SLC38A1: variants seen among roughly 807,000 people sequenced by gnomAD.
The protein encoded by SLC38A1 is sodium-coupled neutral amino acid symporter 1.
SLC38A1 carries 18 observed loss-of-function variants against 60.3 expected under a neutral mutation model. That is an observed-to-expected ratio of 0.30 (90% confidence interval 0.21 to 0.44). SLC38A1 has a LOEUF of 0.44. Ranked by LOEUF, SLC38A1 falls within the 20% of genes least tolerant of loss-of-function variation. The pLI, the probability that SLC38A1 is intolerant of heterozygous loss-of-function variation, is 1.00. For missense variants in SLC38A1, 448 were observed against 587.2 expected (o/e 0.76, Z 2.45); for synonymous variants, 196 against 212.1 (o/e 0.92, Z 0.66).
chr12:46,267,012 T>G (rs1942372004), intron 1 of SLC38A1, among the ~76,000 whole-genome samples: 1 of 152,194 alleles, frequency 6.6e-6, no homozygotes, highest in Non-Finnish European at 1.5e-5. Flanking sequence ...AGGCCAGCCA[T>G]GCACCGAGCT....
At chr12:46,264,981 A>G (rs937860769) in intron 1 of SLC38A1, among the ~76,000 whole-genome samples, 1 of 152,224 alleles carries the variant, frequency 6.6e-6, no homozygotes, top group Non-Finnish European at 1.5e-5. Flanking sequence ...TCAGAAAAGT[A>G]TTTTTAAAAG....
intron 1 of SLC38A1, among the ~76,000 whole-genome samples, chr12:46,260,681 T>C (rs1942168228): frequency 6.6e-6 from 1 of 152,194 alleles, no homozygotes; most frequent in Non-Finnish European, 1.5e-5. Flanking sequence ...GTTAAAGATA[T>C]AATGCACCTT....
chr12:46,258,321 G>T (rs1043841624), intron 1 of SLC38A1, among the ~76,000 whole-genome samples: 1 of 152,190 alleles, frequency 6.6e-6, no homozygotes. Context: ...TTAAGATGGA[G>T]TTGCTCTGGT....
At chr12:46,200,535 C>T (rs1939609754) in intron 13 of SLC38A1, among the ~76,000 whole-genome samples, 1 of 152,054 alleles carries the variant, frequency 6.6e-6, no homozygotes, top group African/African-American at 2.4e-5. Flanking sequence ...GCAGTAAACG[C>T]CGGTAAACTG....
At chr12:46,209,557 A>T (rs552044714) in intron 5 of SLC38A1, among the ~76,000 whole-genome samples, 23 of 152,298 alleles carry the variant, frequency 1.5e-4, no homozygotes, top group Admixed American at 7.2e-4. Context: ...CTTGCTTAAC[A>T]TTCCCATCTC....
chr12:46,249,151 G>T (rs1241849015), intron 1 of SLC38A1, among the ~76,000 whole-genome samples: 1 of 26,380 alleles, frequency 3.8e-5, no homozygotes, highest in South Asian at 1.1e-3. Context: ...GTGAGACTCC[G>T]CCTCAAAAAA....
chr12:46,211,517 G>A (rs995540995), intron 5 of SLC38A1, among the ~76,000 whole-genome samples: 7 of 152,222 alleles, frequency 4.6e-5, no homozygotes, highest in African/African-American at 1.4e-4. Context: ...TCAGTCAGTA[G>A]CCTCTGCAAC....
Position 46,198,609 on chromosome 12 carries a change from A to G in SLC38A1, c.1122+16T>C, listed in dbSNP as rs769818026. The G allele has an allele frequency of 6.5e-6, 10 of 1,550,328 alleles. No homozygotes were observed. The South Asian group carries it at 1.2e-4, about 18-fold the overall frequency. On this transcript the variant is annotated intron_variant, in intron 14 of 16. Coordinates refer to ENST00000398637, the MANE Select transcript of SLC38A1 (RefSeq NM_030674.4). The stretch of plus-strand genomic sequence containing the variant: ...GACCTCAGCTTTTCTCATATTGCAC[A>G]GAGGCCCTTACTCACCGTGAAAAAT...
chr12:46,247,933 C>G (rs575696087), intron 1 of SLC38A1, among the ~76,000 whole-genome samples: 7 of 152,170 alleles, frequency 4.6e-5, no homozygotes, highest in Non-Finnish European at 1.0e-4. Context: ...TCCAGCGAAA[C>G]TAAGCTTCAT....
chr12:46,230,336 G>A (rs759757833), intron 3 of SLC38A1, among the ~76,000 whole-genome samples: 7 of 152,120 alleles, frequency 4.6e-5, no homozygotes, highest in Non-Finnish European at 8.8e-5. Flanking sequence ...ATTACGGTGG[G>A]AGGCAAGGCA....
At chr12:46,254,662 G>GTCAGGTTTGATTCCT (rs1157090572) in intron 1 of SLC38A1, among the ~76,000 whole-genome samples, 2 of 152,170 alleles carry the variant, frequency 1.3e-5, no homozygotes, top group African/African-American at 2.4e-5. Flanking sequence ...GGCTTTACAA[G>GTCAGGTTTGATTCCT]TCAGGTTTGA....
chr12:46,230,496 A>T (rs888085236), intron 3 of SLC38A1, among the ~76,000 whole-genome samples: 30 of 152,312 alleles, frequency 2.0e-4, no homozygotes, highest in African/African-American at 6.7e-4. Flanking sequence ...ACATCATCTT[A>T]TCAAGTTATT....
intron 1 of SLC38A1, among the ~76,000 whole-genome samples, chr12:46,267,940 C>G (rs996993373): frequency 3.3e-5 from 5 of 152,320 alleles, no homozygotes; most frequent in Admixed American, 2.6e-4. Context: ...CTCCCCGCGC[C>G]CTCCTACTTC....
chr12:46,261,922 C>G (rs1942208854), intron 1 of SLC38A1, among the ~76,000 whole-genome samples: 1 of 152,128 alleles, frequency 6.6e-6, no homozygotes, highest in Non-Finnish European at 1.5e-5. Flanking sequence ...GTGCTGCAGG[C>G]ATCTAGTTGA....
intron 16 of SLC38A1, among the ~76,000 whole-genome samples, chr12:46,189,431 G>C (rs940615574): frequency 2.6e-5 from 4 of 152,064 alleles, no homozygotes; most frequent in African/African-American, 9.7e-5. Context: ...AAAATATCCA[G>C]GTCATTTTGT....
At chr12:46,250,933 A>G (rs1461823984) in intron 1 of SLC38A1, among the ~76,000 whole-genome samples, 1 of 152,242 alleles carries the variant, frequency 6.6e-6, no homozygotes, top group Non-Finnish European at 1.5e-5. Context: ...TAATGTATAG[A>G]TTCAATGCCA....
In SLC38A1 at chr12:46,183,877, T is replaced by C. The variant is rs1313825064; in HGVS notation, c.*5093A>G. ...TTACCTGGGAGAGAATGTAAATTTT[T>C]CTAATTCCCAAACAAAACCACTAAT... On this transcript the variant is annotated 3_prime_UTR_variant, in exon 17 of 17. Transcript: ENST00000398637. 8 of 152,544 alleles carry C rather than the reference T, an allele frequency of 5.2e-5. No homozygotes were observed. The East Asian group carries it at 1.5e-3, about 29-fold the overall frequency. 9.4% of individuals were successfully genotyped at this position (152,544 alleles called of 1,614,324 possible).
intron 5 of SLC38A1, among the ~76,000 whole-genome samples, chr12:46,215,144 A>C (rs1940348165): frequency 1.3e-5 from 2 of 152,170 alleles, no homozygotes; most frequent in South Asian, 4.1e-4. Context: ...GAAAGCCCTA[A>C]GCTCTGGCCT....
At position 46,249,168 on chromosome 12, in the gene SLC38A1, A is replaced by AAAAAAAAAAAG. The variant is rs555103632; in HGVS notation, c.-208-5855_-208-5854insCTTTTTTTTTT. On this transcript the variant is annotated intron_variant, in intron 1 of 16. Transcript: ENST00000398637. ...GAGACTCCGCCTCAAAAAAAAAAAAAAAAAAAAGAAACTCACTCAAAACCG... is the reference window on the plus strand; with the variant it reads ...GAGACTCCGCCTCAAAAAAAAAAAAAAAAAAAAAAAGAAAAAAAGAAACTCACTCAAAACCG... 7.3e-4 allele frequency among the ~76,000 whole-genome samples: 92 copies of AAAAAAAAAAAG among 126,460 alleles called. 4 individuals are homozygous for AAAAAAAAAAAG. Among genetic ancestry groups the AAAAAAAAAAAG allele is most frequent in the African/African-American group, 1.8e-3 (61 of 34,026 alleles). 83.0% of individuals were successfully genotyped at this position (126,460 alleles called of 152,430 possible).
Sources: gnomAD v4.1 joint callset for allele counts (sites outside exome capture counted in the v4.1 genomes callset) on GRCh38, gnomAD v4.1.1 for gene constraint, MANE v1.5 for transcripts, NCBI Gene and HGNC (gene_info 2026-07-23, HGNC 2026-07-21) for gene names.